Variants in HLTF observed in about 807,000 individuals in gnomAD.
The protein encoded by HLTF is DNA-dependent ATPase/E3 ubiquitin-protein ligase HLTF.
HLTF carries 127 observed loss-of-function variants against 129.4 expected under a neutral mutation model. The observed-to-expected ratio is 0.98, with a 90% confidence interval of 0.85 to 1.14. The LOEUF (loss-of-function observed/expected upper bound fraction) is 1.14. Among genes scored for constraint, HLTF ranks in the 50% most tolerant of loss-of-function variants. The pLI, the probability that HLTF is intolerant of heterozygous loss-of-function variation, is 0.00. For synonymous variants in HLTF, 332 were observed against 388.8 expected (o/e 0.85, Z 1.72); for missense variants, 1,139 against 1,187.1 (o/e 0.96, Z 0.60).
rs200936969 is a variant in HLTF, at chr3:149,032,278, T to A, written c.2972A>T (p.Asn991Ile). 13 of 1,601,792 alleles carry A rather than the reference T, an allele frequency of 8.1e-6. No individual in the cohort carries two copies. The highest frequency in any genetic ancestry group is 5.2e-5 in the Admixed American group (3 of 57,416). Reference protein sequence around the residue: ...AAGAFGTKKPNADEMKQAKIN... With the variant: ...AAGAFGTKKPIADEMKQAKIN... ...TTTGGCTTGTTTCATTTCGTCAGCA[T>A]TTGGTTTTTTAGTTCCAAAGGCTCC... The change falls in exon 25 of 25, where the codon AAT (asparagine) becomes ATT (isoleucine). Residue 991 changes from asparagine to isoleucine, a missense_variant. Transcript: ENST00000310053.
At chr3:149,060,902 G>A in intron 10 of HLTF, 44 bp from the exon 11 acceptor site, 2 of 1,291,422 alleles carry the variant, frequency 1.5e-6, no homozygotes, top group Non-Finnish European at 2.2e-6. Context: ...CCAACCCAAA[G>A]CAAAATAAGA....
At chr3:149,074,827 A>G (rs1332673277) in intron 3 of HLTF, among the ~76,000 whole-genome samples, 1 of 152,214 alleles carries the variant, frequency 6.6e-6, no homozygotes, top group Non-Finnish European at 1.5e-5. Context: ...AAACTCACCT[A>G]GGATTATATG....
rs147683321 is a variant in HLTF, at chr3:149,039,227, G to A, written c.2618C>T (p.Ala873Val). ...FLSLIEIPLK[A>V]SGFVFTRLDG... Reference sequence around the variant, plus strand: ...CAAACGAGTAAACACAAATCCAGAGGCTCTAAAGGGGGGAAGAAAAGAGAC... The same window carrying A: ...CAAACGAGTAAACACAAATCCAGAGACTCTAAAGGGGGGAAGAAAAGAGAC... The change falls in exon 23 of 25, where the codon GCC becomes GTC. Residue 873 changes from alanine (A) to valine (V), a missense_variant and splice_region_variant. Transcript: ENST00000310053. 6.5e-7 allele frequency: 1 copy of A among 1,526,936 alleles called. No homozygotes were observed. Among genetic ancestry groups the A allele is most frequent in the Non-Finnish European group, 8.8e-7 (1 of 1,137,952 alleles). 94.6% of individuals were successfully genotyped at this position (1,526,936 alleles called of 1,614,324 possible).
At chr3:149,035,683 A>AGG (rs1429647284) in intron 23 of HLTF, among the ~76,000 whole-genome samples, 66 of 130,468 alleles carry the variant, frequency 5.1e-4, no homozygotes, top group Middle Eastern at 4.5e-3. Flanking sequence ...AAAAAAAAAA[A>AGG]GGGGGTTTTA....
chr3:149,074,376 G>A (rs747211092), intron 3 of HLTF, 28 bp from the exon 4 acceptor site: 10 of 1,573,850 alleles, frequency 6.4e-6, no homozygotes, highest in Non-Finnish European at 8.6e-6. Context: ...AAAAGAAAGG[G>A]AAATCAGAAG....
intron 21 of HLTF, 57 bp downstream of exon 21, chr3:149,039,974 T>C: frequency 6.9e-7 from 1 of 1,459,794 alleles, no homozygotes; most frequent in Non-Finnish European, 9.4e-7. Flanking sequence ...ATACTGTGTA[T>C]ATTTCCTTAT....
At chr3:149,076,286 T>C (rs185395954) in intron 2 of HLTF, among the ~76,000 whole-genome samples, 1 of 152,294 alleles carries the variant, frequency 6.6e-6, no homozygotes, top group East Asian at 1.9e-4. Flanking sequence ...TCTTAAAAAA[T>C]AGTCAAATGT....
intron 23 of HLTF, among the ~76,000 whole-genome samples, chr3:149,036,297 G>GTTTGTTTTTTTT (rs1715617810): frequency 9.3e-6 from 1 of 107,986 alleles, no homozygotes; most frequent in African/African-American, 3.8e-5. Context: ...AAACTATGAG[G>GTTTGTTTTTTTT]TTTTTTTTTT....
In HLTF at chr3:149,044,021, A is replaced by G. The variant is rs191725399; in HGVS notation, c.2073-1731T>C. ...TTCAAGAATGCAAGGAATAGGCAAAATAATACAAAGATTAAACTTACAAGC... is the reference window on the plus strand; with the variant it reads ...TTCAAGAATGCAAGGAATAGGCAAAGTAATACAAAGATTAAACTTACAAGC... On this transcript the variant is annotated intron_variant, in intron 18 of 24. Transcript: ENST00000310053. 1.9e-4 allele frequency among the ~76,000 whole-genome samples: 29 copies of G among 152,268 alleles called. No homozygotes were observed. In the East Asian group the frequency reaches 4.0e-3, roughly 21 times the overall value.
intron 24 of HLTF, 115 bp downstream of exon 24, chr3:149,034,803 C>T: frequency 1.4e-6 from 1 of 690,824 alleles, no homozygotes; most frequent in Non-Finnish European, 2.6e-6. Context: ...AAAAAGGTGA[C>T]TTATATTTTG....
chr3:149,031,251 CAT>C lies in HLTF; in HGVS notation c.*967_*968del, dbSNP rs1051759191. 2 of 152,464 alleles carry C rather than the reference CAT, an allele frequency of 1.3e-5. No homozygotes were observed. The highest frequency in any genetic ancestry group is 2.4e-5 in the African/African-American group (1 of 41,414). The allele number at this position is 152,464 out of a possible 1,614,324, so 9.4% of individuals were successfully genotyped here. ...CAAAATCAAATTCTGATTCTAAACACATAACAATTGTTTACATTCAGGATTAA... is the reference window on the plus strand; with the variant it reads ...CAAAATCAAATTCTGATTCTAAACACAACAATTGTTTACATTCAGGATTAA... On this transcript the variant is annotated 3_prime_UTR_variant, in exon 25 of 25. Coordinates refer to ENST00000310053, the MANE Select transcript of HLTF (RefSeq NM_003071.4).
chr3:149,034,499 G>GA (rs1302985791), intron 24 of HLTF, among the ~76,000 whole-genome samples: 5 of 152,140 alleles, frequency 3.3e-5, no homozygotes, highest in Admixed American at 2.0e-4. Flanking sequence ...TCTGGAGATG[G>GA]ATGATTGTGA....
rs770455904 is a variant in HLTF, at chr3:149,084,882, C to A, written c.28G>T (p.Val10Phe). MSWMFKRDP[V>F]WKYLQTVQYG... is the part of the protein sequence containing the mutation. ...TGGACAGTCTGCAAGTACTTCCAAACTGGATCCCTATTTTTTTTTAAAGGC... is the reference window on the plus strand; with the variant it reads ...TGGACAGTCTGCAAGTACTTCCAAAATGGATCCCTATTTTTTTTTAAAGGC... Residue 10 changes from valine to phenylalanine, a missense_variant, in exon 2 of 25, where the codon GTT becomes TTT. Val to Phe is a conservative substitution (Grantham distance 50). Coordinates refer to ENST00000310053, the MANE Select transcript of HLTF (RefSeq NM_003071.4). The A allele has an allele frequency of 3.7e-6, 6 of 1,611,220 alleles. No individual in the cohort carries two copies. Among genetic ancestry groups the A allele is most frequent in the Non-Finnish European group, 4.2e-6 (5 of 1,178,480 alleles).
intron 5 of HLTF, 107 bp from the exon 6 acceptor site, chr3:149,071,764 G>A (rs367849095): frequency 2.4e-5 from 18 of 738,614 alleles, no homozygotes; most frequent in Middle Eastern, 3.9e-4. Flanking sequence ...AATGTCAAAC[G>A]GGCCAGGAGT....
chr3:149,073,258 T>G lies in HLTF; in HGVS notation c.594A>C (p.Pro198=). 6.2e-7 allele frequency: 1 copy of G among 1,611,632 alleles called. No individual in the cohort carries two copies. The highest frequency in any genetic ancestry group is 1.1e-5 in the South Asian group (1 of 90,772). The change falls in exon 5 of 25, where the codon CCA becomes CCC. Residue 198 remains proline (P), a synonymous_variant. Transcript: ENST00000310053. ...TTGTCATCTGTACTGCAGCATGCAC[T>G]GGCATACTATAGCTTGGTCCAGCTC... ...SGRAGPSYSM[P]VHAAVQMTTE... is the part of the protein sequence containing the mutation.
At position 149,074,514 on chromosome 3, in the gene HLTF, C is replaced by A. The variant is rs115625048; in HGVS notation, c.396-166G>T. Reference sequence around the variant, plus strand: ...AAGAAAAAAAGGAAAAGAAATAGAACCATAAACAATCAGAAGGGTGATTTT... The same window carrying A: ...AAGAAAAAAAGGAAAAGAAATAGAAACATAAACAATCAGAAGGGTGATTTT... On this transcript the variant is annotated intron_variant, in intron 3 of 24. Transcript: ENST00000310053. Among the ~76,000 whole-genome samples the A allele has an allele frequency of 9.5e-3, 1,447 of 152,038 alleles. 23 individuals are homozygous for A. The highest frequency in any genetic ancestry group is 0.033 in the African/African-American group (1,384 of 41,478).
At chr3:149,078,423 G>A (rs529662483) in intron 2 of HLTF, among the ~76,000 whole-genome samples, 1 of 152,238 alleles carries the variant, frequency 6.6e-6, no homozygotes, top group Admixed American at 6.5e-5. Flanking sequence ...GGTGGTACAT[G>A]CCTGTAGTCC....
chr3:149,041,400 G>T, intron 20 of HLTF, 90 bp downstream of exon 20: 1 of 731,692 alleles, frequency 1.4e-6, no homozygotes, highest in Non-Finnish European at 2.0e-6. Flanking sequence ...TTAAATCCAA[G>T]TGCAAAACTC....
In HLTF at chr3:149,086,479, G is replaced by A; in HGVS notation, c.-143C>T. 1 of 877,708 alleles carries A rather than the reference G, an allele frequency of 1.1e-6. No homozygotes were observed. The highest frequency in any genetic ancestry group is 2.6e-5 in the Admixed American group (1 of 39,190). The allele number at this position is 877,708 out of a possible 1,614,324, so 54.4% of individuals were successfully genotyped here. A position where few individuals can be genotyped will look rare whatever the true frequency, so the allele number is the denominator to read the frequency against. ...CGGATCAGGAGCGCACGACTGAAAG[G>A]TAAGTCGCCGCGAGTCCAGTCAGAC... On this transcript the variant is annotated 5_prime_UTR_variant, in exon 1 of 25. Coordinates refer to ENST00000310053, the MANE Select transcript of HLTF (RefSeq NM_003071.4).
Sources: allele counts gnomAD v4.1 joint callset (sites outside exome capture counted in the v4.1 genomes callset), GRCh38; gene constraint gnomAD v4.1.1; transcripts MANE v1.5; gene names NCBI Gene and HGNC (gene_info 2026-07-23, HGNC 2026-07-21).